Variants in ASAP1 observed in about 807,000 individuals in gnomAD.
ASAP1 encodes ArfGAP with SH3 domain, ankyrin repeat and PH domain 1, also known as arf-GAP with SH3 domain, ANK repeat and PH domain-containing protein 1.
ASAP1 carries 43 observed loss-of-function variants against 145.2 expected under a neutral mutation model. The observed-to-expected ratio is 0.30, with a 90% CI of 0.23 to 0.38. ASAP1 has a LOEUF of 0.38. Ranked by LOEUF, ASAP1 falls within the 10% of genes least tolerant of loss-of-function variation. The pLI, the probability that ASAP1 is intolerant of heterozygous loss-of-function variation, is 1.00. For missense variants in ASAP1, 1,018 were observed against 1,355.3 expected (o/e 0.75, Z 3.91); for synonymous variants, 546 against 515.5 (o/e 1.06, Z -0.80).
At chr8:130,266,000 C>T (rs1820221782) in intron 3 of ASAP1, among the ~76,000 whole-genome samples, 1 of 152,154 alleles carries the variant, frequency 6.6e-6, no homozygotes, top group Admixed American at 6.5e-5. Context: ...TTTGCCACAG[C>T]CCTTTTCCAT....
At chr8:130,379,035 C>A (rs535496851) in intron 2 of ASAP1, among the ~76,000 whole-genome samples, 2 of 152,056 alleles carry the variant, frequency 1.3e-5, no homozygotes, top group Non-Finnish European at 2.9e-5. Context: ...GCTAATGAGA[C>A]GGCCAAAAAG....
Position 130,373,228 on chromosome 8 carries a change from T to A in ASAP1, c.60-15085A>T, listed in dbSNP as rs76416294. ...AATCTCTAGACAGACACATTCATTATGAATGGCTTTTTTTTGCATACAAAA... is the reference window on the plus strand; with the variant it reads ...AATCTCTAGACAGACACATTCATTAAGAATGGCTTTTTTTTGCATACAAAA... On this transcript the variant is annotated intron_variant, in intron 2 of 29. Coordinates refer to ENST00000518721, the MANE Select transcript of ASAP1 (RefSeq NM_018482.4). Among the ~76,000 whole-genome samples, 13 of 151,810 alleles carry A rather than the reference T, an allele frequency of 8.6e-5. 1 individual carries two copies. In the East Asian group the frequency reaches 2.5e-3, roughly 29 times the overall value.
rs1265786564 is a variant in ASAP1, at chr8:130,358,857, G to C, written c.60-714C>G. Among the ~76,000 whole-genome samples the C allele has an allele frequency of 6.6e-6, 1 of 151,868 alleles. No individual in the cohort carries two copies. The highest frequency in any genetic ancestry group is 2.4e-5 in the African/African-American group (1 of 41,380). The stretch of plus-strand genomic sequence containing the variant: ...CTCCGGAAGCCCGAGTCCCTGGTTC[G>C]CCCCCGGAGCGGTTACTTCAGCGAG... On this transcript the variant is annotated intron_variant, in intron 2 of 29. Coordinates refer to ENST00000518721, the MANE Select transcript of ASAP1 (RefSeq NM_018482.4). This position sits in a 1 kb window ranked among gnomAD's most constrained non-coding sequence, Gnocchi z 4.1.
chr8:130,316,959 T>G (rs1823697693), intron 3 of ASAP1, among the ~76,000 whole-genome samples: 1 of 152,196 alleles, frequency 6.6e-6, no homozygotes, highest in Admixed American at 6.5e-5. Flanking sequence ...TAAAGTGACT[T>G]GAAGGCCAAT....
intron 4 of ASAP1, among the ~76,000 whole-genome samples, chr8:130,230,954 C>G (rs1817878048): frequency 6.6e-6 from 1 of 152,130 alleles, no homozygotes; most frequent in Non-Finnish European, 1.5e-5. Flanking sequence ...ATTACCAACT[C>G]TAGTTACAAC....
chr8:130,274,175 T>C (rs1473345552), intron 3 of ASAP1, among the ~76,000 whole-genome samples: 1 of 152,216 alleles, frequency 6.6e-6, no homozygotes, highest in Non-Finnish European at 1.5e-5. Flanking sequence ...CTGCATTGCT[T>C]TCCCTTGGGG....
chr8:130,364,871 C>T lies in ASAP1; in HGVS notation c.60-6728G>A, dbSNP rs910062453. Among the ~76,000 whole-genome samples the T allele has an allele frequency of 9.2e-5, 14 of 152,084 alleles. No homozygotes were observed. In the South Asian group the frequency reaches 2.1e-3, roughly 23 times the overall value. ...CTTGGGCTCAGGAGTTTGAGGCTGC[C>T]GTGAGCTATGATTGCACCACTGCAC... On this transcript the variant is annotated intron_variant, in intron 2 of 29. Coordinates refer to ENST00000518721, the MANE Select transcript of ASAP1 (RefSeq NM_018482.4).
chr8:130,208,104 T>C (rs781330560), intron 5 of ASAP1, among the ~76,000 whole-genome samples: 4 of 152,234 alleles, frequency 2.6e-5, no homozygotes, highest in East Asian at 1.9e-4. Context: ...GAAAAAATTA[T>C]AGACTCACCA....
At chr8:130,072,825 G>GTGTGTGTGTGCGCGCGCGCGCGCA in intron 27 of ASAP1, among the ~76,000 whole-genome samples, 21 of 54,100 alleles carry the variant, frequency 3.9e-4, no homozygotes, top group Middle Eastern at 8.1e-3. Context: ...GTGTGTGTGT[G>GTGTGTGTGTGCGCGCGCGCGCGCA]CGCGCGGGGG....
At chr8:130,103,702 C>T (rs1468536095) in intron 24 of ASAP1, among the ~76,000 whole-genome samples, 6 of 152,110 alleles carry the variant, frequency 3.9e-5, no homozygotes, top group African/African-American at 1.4e-4. Context: ...GGGGTTTCAC[C>T]ATGTTGGCCA....
At chr8:130,191,989 G>A (rs541394106) in intron 5 of ASAP1, among the ~76,000 whole-genome samples, 5 of 151,804 alleles carry the variant, frequency 3.3e-5, no homozygotes, top group South Asian at 2.1e-4. Flanking sequence ...TTTACACACC[G>A]GAAGGTTTCC....
chr8:130,183,466 G>C (rs990844515), intron 7 of ASAP1, among the ~76,000 whole-genome samples: 2 of 151,978 alleles, frequency 1.3e-5, no homozygotes, highest in African/African-American at 4.8e-5. Context: ...TCAGCCTCCT[G>C]AGTAGCTGGG....
chr8:130,215,979 G>GA (rs1816887385), intron 4 of ASAP1, among the ~76,000 whole-genome samples: 5 of 35,374 alleles, frequency 1.4e-4, no homozygotes, highest in African/African-American at 4.4e-4. Context: ...AAAAGAAAAA[G>GA]GAAAGGAAAG....
At chr8:130,112,982 T>TTGA (rs1471514767) in intron 23 of ASAP1, among the ~76,000 whole-genome samples, 1 of 152,194 alleles carries the variant, frequency 6.6e-6, no homozygotes, top group Admixed American at 6.5e-5. Flanking sequence ...GAAATATCCC[T>TTGA]TGAAGCCCCT....
chr8:130,214,473 G>A (rs879205987), intron 5 of ASAP1, 83 bp downstream of exon 5: 1 of 1,319,602 alleles, frequency 7.6e-7, no homozygotes, highest in East Asian at 2.6e-5. Context: ...GATTGAGGGG[G>A]AAGGATTATT....
At chr8:130,430,763 T>A (rs1830107988) in intron 1 of ASAP1, among the ~76,000 whole-genome samples, 1 of 151,652 alleles carries the variant, frequency 6.6e-6, no homozygotes, top group African/African-American at 2.4e-5. Flanking sequence ...TCAGAATTGG[T>A]TTGGGTTGGA....
At chr8:130,140,531 C>A (rs988997320) in intron 13 of ASAP1, among the ~76,000 whole-genome samples, 1 of 152,100 alleles carries the variant, frequency 6.6e-6, no homozygotes. Flanking sequence ...ATCCTCCTCA[C>A]CTCTCATTTC....
At chr8:130,068,590 A>T (rs573565013) in intron 27 of ASAP1, among the ~76,000 whole-genome samples, 1 of 152,152 alleles carries the variant, frequency 6.6e-6, no homozygotes, top group Admixed American at 6.5e-5. Context: ...GATTGATGGG[A>T]CCCACAGCTC....
At chr8:130,393,329 G>A (rs1418873809) in intron 2 of ASAP1, among the ~76,000 whole-genome samples, 1 of 152,150 alleles carries the variant, frequency 6.6e-6, no homozygotes, top group African/African-American at 2.4e-5. Flanking sequence ...AGGGGAATGT[G>A]CTGAATGGGC....
Sources: allele counts gnomAD v4.1 joint callset (sites outside exome capture counted in the v4.1 genomes callset), GRCh38; gene constraint gnomAD v4.1.1; non-coding constraint Gnocchi (gnomAD v3.1); transcripts MANE v1.5; gene names NCBI Gene and HGNC (gene_info 2026-07-23, HGNC 2026-07-21).